The following EYS variants were observed in gnomAD, a reference collection of about 807,000 sequenced individuals.
EYS encodes EGF-like photoreceptor maintenance factor.
Under a neutral mutation model 282.1 loss-of-function variants are expected in EYS, and 250 were observed. That is an observed-to-expected ratio of 0.89 (90% CI 0.80 to 0.98). The LOEUF (loss-of-function observed/expected upper bound fraction) is 0.98. Ranked by LOEUF, EYS falls within the 50% of genes least tolerant of loss-of-function variation. EYS has a pLI of 0.00. For missense variants in EYS, 4,016 were observed against 3,709.0 expected (o/e 1.08, Z -2.15); for synonymous variants, 1,355 against 1,282.9 (o/e 1.06, Z -1.20).
chr6:65,174,045 C>G (rs1453742563), intron 12 of EYS, among the ~76,000 whole-genome samples: 6 of 151,024 alleles, frequency 4.0e-5, no homozygotes, highest in African/African-American at 9.7e-5. Flanking sequence ...ACACACCAAC[C>G]CACATGATAC....
At chr6:65,473,503 A>G in intron 5 of EYS, among the ~76,000 whole-genome samples, 1 of 152,004 alleles carries the variant, frequency 6.6e-6, no homozygotes, top group South Asian at 2.1e-4. Context: ...AACTGTGGTC[A>G]GTAACTGTGA....
At chr6:64,356,110 T>A (rs1188789816) in intron 29 of EYS, among the ~76,000 whole-genome samples, 3 of 151,528 alleles carry the variant, frequency 2.0e-5, no homozygotes, top group Non-Finnish European at 3.0e-5. Context: ...AATTATAAAA[T>A]TTTTTAAAAT....
intron 26 of EYS, among the ~76,000 whole-genome samples, chr6:64,453,604 A>G (rs1329013442): frequency 6.6e-6 from 1 of 152,134 alleles, no homozygotes; most frequent in Non-Finnish European, 1.5e-5. Context: ...CTTGGAACCA[A>G]CCCAAATGTC....
At chr6:64,389,730 A>G (rs891753986) in intron 28 of EYS, among the ~76,000 whole-genome samples, 4 of 152,186 alleles carry the variant, frequency 2.6e-5, no homozygotes, top group Non-Finnish European at 5.9e-5. Context: ...GCTTTATCAT[A>G]ATCCTTTTCA....
intron 12 of EYS, among the ~76,000 whole-genome samples, chr6:65,244,612 A>G (rs1767134119): frequency 1.3e-5 from 2 of 151,762 alleles, no homozygotes; most frequent in East Asian, 3.9e-4. Context: ...TCCCGGGTTC[A>G]TGCCATTCTC....
At chr6:64,228,665 T>A (rs1562262587) in intron 31 of EYS, among the ~76,000 whole-genome samples, 1 of 152,286 alleles carries the variant, frequency 6.6e-6, no homozygotes, top group East Asian at 1.9e-4. Context: ...ATAAAATGAT[T>A]AATAATATGA....
At chr6:64,485,477 C>T (rs1264120330) in intron 26 of EYS, among the ~76,000 whole-genome samples, 1 of 151,558 alleles carries the variant, frequency 6.6e-6, no homozygotes, top group Non-Finnish European at 1.5e-5. Context: ...GCTCAATAGG[C>T]AACAACTCCT....
At chr6:63,846,334 G>A (rs535036885) in intron 36 of EYS, among the ~76,000 whole-genome samples, 123 of 152,222 alleles carry the variant, frequency 8.1e-4, no homozygotes, top group Non-Finnish European at 1.7e-3. Flanking sequence ...CACCTGGAGA[G>A]TGACAGGGAT....
chr6:63,891,482 A>C (rs1322159996), intron 35 of EYS, among the ~76,000 whole-genome samples: 1 of 152,230 alleles, frequency 6.6e-6, no homozygotes, highest in African/African-American at 2.4e-5. Flanking sequence ...CCAATGAAAA[A>C]AACCACATGA....
intron 33 of EYS, among the ~76,000 whole-genome samples, chr6:64,063,441 C>T (rs1771251120): frequency 2.0e-5 from 3 of 152,220 alleles, no homozygotes; most frequent in Middle Eastern, 3.4e-3. Flanking sequence ...CCTCTATTTT[C>T]ACTCCTAGTA....
chr6:64,357,344 G>C (rs1771857247), intron 29 of EYS, among the ~76,000 whole-genome samples: 1 of 151,378 alleles, frequency 6.6e-6, no homozygotes, highest in South Asian at 2.1e-4. Context: ...TCCACTTTAA[G>C]AAACCACAAG....
At chr6:64,248,835 G>C (rs1368164935) in intron 30 of EYS, among the ~76,000 whole-genome samples, 3 of 151,930 alleles carry the variant, frequency 2.0e-5, no homozygotes, top group African/African-American at 4.8e-5. Context: ...CAGGCGAATT[G>C]TGTTGAGCTC....
chr6:64,118,385 G>T (rs1430383860), intron 31 of EYS, among the ~76,000 whole-genome samples: 1 of 152,026 alleles, frequency 6.6e-6, no homozygotes, highest in Non-Finnish European at 1.5e-5. Flanking sequence ...ATAAATCCAT[G>T]CATTTACAGC....
At chr6:63,809,494 C>A (rs180875175) in intron 36 of EYS, among the ~76,000 whole-genome samples, 204 of 152,108 alleles carry the variant, frequency 1.3e-3, no homozygotes, top group Middle Eastern at 3.4e-3. Context: ...CTCACAGATA[C>A]CATGTGTAAA....
chr6:65,505,832 G>C (rs1445695085), intron 2 of EYS, among the ~76,000 whole-genome samples: 1 of 152,038 alleles, frequency 6.6e-6, no homozygotes, highest in East Asian at 1.9e-4. Context: ...CTTGCTAAAT[G>C]TTCTACACAG....
intron 22 of EYS, among the ~76,000 whole-genome samples, chr6:64,783,753 T>C (rs1773933680): frequency 6.6e-6 from 1 of 152,166 alleles, no homozygotes; most frequent in Non-Finnish European, 1.5e-5. Context: ...ATTTGAGAAC[T>C]TGAAGACTGT....
At chr6:64,218,669 C>A (rs557503467) in intron 31 of EYS, among the ~76,000 whole-genome samples, 144 of 152,236 alleles carry the variant, frequency 9.5e-4, no homozygotes, top group Admixed American at 3.6e-3. Context: ...TAATGTCTAG[C>A]CTTGTTTGCC....
chr6:64,658,189 T>C (rs1768830303), intron 22 of EYS, among the ~76,000 whole-genome samples: 1 of 152,354 alleles, frequency 6.6e-6, no homozygotes, highest in African/African-American at 2.4e-5. Context: ...TCTCCTGCCT[T>C]GGTTTTCAGC....
chr6:64,775,177 T>G (rs1409657134), intron 22 of EYS, among the ~76,000 whole-genome samples: 3 of 152,002 alleles, frequency 2.0e-5, no homozygotes, highest in Non-Finnish European at 4.4e-5. Flanking sequence ...CAGTAAAATA[T>G]GAGTCAACAA....
Sources: gnomAD v4.1 joint callset for allele counts (sites outside exome capture counted in the v4.1 genomes callset) on GRCh38, gnomAD v4.1.1 for gene constraint, MANE v1.5 for transcripts, NCBI Gene and HGNC (gene_info 2026-07-23, HGNC 2026-07-21) for gene names.